The following CGGBP1 variants were observed in gnomAD, a reference collection of about 807,000 sequenced individuals.
CGGBP1 encodes CGG triplet repeat binding protein 1, also known as CGG triplet repeat-binding protein 1.
In CGGBP1, 4 loss-of-function variants were observed where a neutral mutation model predicts 11.4. The ratio of observed to expected loss-of-function variants is 0.35; its 90% CI spans 0.17 to 0.80. The LOEUF (loss-of-function observed/expected upper bound fraction) is 0.80, where lower values mean the gene tolerates loss of function less well. Among genes scored for constraint, CGGBP1 ranks in the 30% least tolerant of loss-of-function variants. The probability of loss-of-function intolerance (pLI) is 0.52; values close to 1 mark genes in which losing one functional copy is unlikely to be tolerated. For missense variants in CGGBP1, 135 were observed against 202.1 expected, an observed-to-expected ratio of 0.67 and a Z score of 2.01; for synonymous variants, 76 against 74.1, an observed-to-expected ratio of 1.03 and a Z score of -0.13.
upstream of CGGBP1, chr3:88,059,579 C>T (rs143133461): frequency 2.4e-5 from 35 of 1,441,694 alleles, no homozygotes; most frequent in Non-Finnish European, 3.1e-5. Flanking sequence ...TCTTCTCGTC[C>T]ATGAATCTGG....
At chr3:88,120,910 T>C (rs990408128) in intron 2 of CGGBP1, among the ~76,000 whole-genome samples, 1 of 152,106 alleles carries the variant, frequency 6.6e-6, no homozygotes, top group Non-Finnish European at 1.5e-5. Context: ...TACTTTGATG[T>C]TTGGTCATAA....
chr3:88,055,806 G>A lies in CGGBP1; in HGVS notation c.171C>T (p.Ala57=), dbSNP rs1706528938. ...TCTTTGACTTGAGGTGGTCACTAAT[G>A]GCAGACTTGCGAACATGATTCAGAA... The part of the protein sequence containing the change: ...NVVLNHVRKS[A]ISDHLKSKTH... Residue 57 remains alanine (A), a synonymous_variant, in exon 4 of 4, where the codon GCC becomes GCT. Transcript: ENST00000482016. The surrounding 1 kb of genome is among the most constrained non-coding windows in gnomAD (Gnocchi z 4.2). 6.2e-7 allele frequency: 1 copy of A among 1,614,186 alleles called. No homozygotes were observed. The highest frequency in any genetic ancestry group is 2.2e-5 in the East Asian group (1 of 44,884).
At chr3:88,134,116 G>A (rs1209728073) in intron 2 of CGGBP1, among the ~76,000 whole-genome samples, 2 of 150,060 alleles carry the variant, frequency 1.3e-5, no homozygotes, top group Non-Finnish European at 3.0e-5. Flanking sequence ...AAAAAAAAAA[G>A]GTGGGGGGTA....
intron 2 of CGGBP1, among the ~76,000 whole-genome samples, chr3:88,069,238 A>G (rs1405982373): frequency 3.3e-5 from 5 of 152,158 alleles, no homozygotes; most frequent in African/African-American, 1.2e-4. Context: ...CCTGGCCAAC[A>G]TGGTGAAACC....
Position 88,126,931 on chromosome 3 carries a change from C to T in CGGBP1, c.-229+14039G>A, listed in dbSNP as rs78701755. 4.6e-3 allele frequency among the ~76,000 whole-genome samples: 707 copies of T among 152,292 alleles called. 45 individuals carry two copies. In the East Asian group the frequency reaches 0.12, roughly 26 times the overall value. ...TCTTTGATATCACCTCCTGTCCAAT[C>T]TGATTTAACAGCGGTCCTTTGTAGG... On this transcript the variant is annotated intron_variant, in intron 2 of 3. Transcript: ENST00000462901.
In CGGBP1 at chr3:88,058,991, G is replaced by T. The variant is rs1332890477; in HGVS notation, c.-507C>A. On this transcript the variant is annotated 5_prime_UTR_variant, in exon 1 of 4. Transcript: ENST00000482016. ...CCGTGTCCCCCGCCGCGCCCCGTCC[G>T]CCTGCACCGCCTATGGCAGAGCCCG... is the stretch of plus-strand genomic sequence containing the variant. 4 of 254,856 alleles carry T rather than the reference G, an allele frequency of 1.6e-5. No individual in the cohort carries two copies. Among genetic ancestry groups the T allele is most frequent in the South Asian group, 9.7e-5 (1 of 10,324 alleles). The allele number at this position is 254,856 out of a possible 1,614,324, so 15.8% of individuals were successfully genotyped here. A position where few individuals can be genotyped will look rare whatever the true frequency, so the allele number is the denominator to read the frequency against.
intron 2 of CGGBP1, among the ~76,000 whole-genome samples, chr3:88,081,736 C>G (rs990279331): frequency 1.3e-5 from 2 of 152,134 alleles, no homozygotes; most frequent in Admixed American, 1.3e-4. Context: ...ACAACAAGTT[C>G]CAGGCTCATC....
At chr3:88,138,000 T>G (rs1029937808) in intron 2 of CGGBP1, among the ~76,000 whole-genome samples, 3 of 152,108 alleles carry the variant, frequency 2.0e-5, no homozygotes. Context: ...ATAACTAAGA[T>G]GGGTCGACAA....
intron 2 of CGGBP1, among the ~76,000 whole-genome samples, chr3:88,096,376 T>C (rs1394540441): frequency 2.6e-5 from 4 of 152,000 alleles, no homozygotes; most frequent in African/African-American, 9.7e-5. Context: ...TGTGAGAGGG[T>C]ACCTCTGAAG....
intron 2 of CGGBP1, among the ~76,000 whole-genome samples, chr3:88,091,668 G>A (rs1708637023): frequency 6.6e-6 from 1 of 152,174 alleles, no homozygotes; most frequent in African/African-American, 2.4e-5. Context: ...GGGACCCAAT[G>A]GGAGGTAATT....
chr3:88,147,656 AG>A (rs1342729343), intron 1 of CGGBP1, among the ~76,000 whole-genome samples: 3 of 152,248 alleles, frequency 2.0e-5, no homozygotes, highest in Non-Finnish European at 4.4e-5. Context: ...AAACAGTACA[AG>A]AAGCTCAAGA....
intron 2 of CGGBP1, among the ~76,000 whole-genome samples, chr3:88,079,068 T>C (rs2107639741): frequency 6.6e-6 from 1 of 152,214 alleles, no homozygotes; most frequent in African/African-American, 2.4e-5. Flanking sequence ...CGTACAGTTA[T>C]ACCGTAAAAA....
At chr3:88,139,499 T>C (rs768923325) in intron 2 of CGGBP1, 32 of 1,613,612 alleles carry the variant, frequency 2.0e-5, no homozygotes, top group Non-Finnish European at 2.6e-5. Flanking sequence ...AACAGGATGA[T>C]CAGGAAGTCA....
intron 2 of CGGBP1, chr3:88,129,588 G>T: frequency 1.2e-5 from 12 of 1,002,078 alleles, no homozygotes; most frequent in Non-Finnish European, 1.7e-5. Flanking sequence ...AAGAAAACTA[G>T]AAATCTAAGC....
At chr3:88,058,409 C>T (rs1248264299) in intron 1 of CGGBP1, among the ~76,000 whole-genome samples, 186 bp from the exon 2 acceptor site, 1 of 152,074 alleles carries the variant, frequency 6.6e-6, no homozygotes, top group Non-Finnish European at 1.5e-5. Flanking sequence ...CTCGGTGGTC[C>T]GCCCGCTTGG....
chr3:88,075,136 C>T (rs1357477153), intron 2 of CGGBP1, among the ~76,000 whole-genome samples: 2 of 152,160 alleles, frequency 1.3e-5, no homozygotes, highest in Non-Finnish European at 2.9e-5. Flanking sequence ...ATATTAAAAG[C>T]TTTTAATTTC....
intron 1 of CGGBP1, chr3:88,141,564 A>G: frequency 9.4e-7 from 1 of 1,066,528 alleles, no homozygotes; most frequent in African/African-American, 1.6e-5. Flanking sequence ...ATGACAGGGT[A>G]TAAATTAAAC....
chr3:88,148,586 C>T (rs1707350589), intron 1 of CGGBP1, among the ~76,000 whole-genome samples: 2 of 152,148 alleles, frequency 1.3e-5, no homozygotes, highest in South Asian at 4.1e-4. Flanking sequence ...ACAATTTCAC[C>T]ATATTTTGAA....
chr3:88,108,699 T>C (rs1159769746), intron 2 of CGGBP1, among the ~76,000 whole-genome samples: 1 of 152,178 alleles, frequency 6.6e-6, no homozygotes, highest in Non-Finnish European at 1.5e-5. Context: ...ATCACAGTGC[T>C]TGTGTTCAGG....
Sources: allele counts gnomAD v4.1 joint callset (sites outside exome capture counted in the v4.1 genomes callset), GRCh38; gene constraint gnomAD v4.1.1; non-coding constraint Gnocchi (gnomAD v3.1); transcripts MANE v1.5; gene names NCBI Gene and HGNC (gene_info 2026-07-23, HGNC 2026-07-21).